TPD52: variants seen among roughly 807,000 people sequenced by gnomAD.
TPD52 encodes tumor protein D52, also known as prostate and colon associated protein.
In TPD52, 17 loss-of-function variants were observed where a neutral mutation model predicts 31.3. The ratio of observed to expected loss-of-function variants is 0.54; its 90% CI spans 0.37 to 0.82. The LOEUF is 0.82. TPD52 is among the 40% of genes least tolerant of loss of function. The pLI, the probability that TPD52 is intolerant of heterozygous loss-of-function variation, is 0.00. For missense variants in TPD52, 212 were observed against 240.1 expected, an observed-to-expected ratio of 0.88 and a Z score of 0.77; for synonymous variants, 83 against 89.6, an observed-to-expected ratio of 0.93 and a Z score of 0.42.
At chr8:80,127,829 CACACACACAG>C (rs756759833) in intron 1 of TPD52, among the ~76,000 whole-genome samples, 1,940 of 52,760 alleles carry the variant, frequency 0.037, 27 homozygotes, top group East Asian at 0.23. Context: ...CACACACACA[CACACACACAG>C]AGATACATAA....
intron 1 of TPD52, among the ~76,000 whole-genome samples, chr8:80,100,055 C>G (rs1806624104): frequency 6.6e-6 from 1 of 152,170 alleles, no homozygotes; most frequent in Non-Finnish European, 1.5e-5. Flanking sequence ...AAGTAGTGTT[C>G]TAAACATTTA....
intron 1 of TPD52, among the ~76,000 whole-genome samples, chr8:80,134,714 T>C (rs1331362632): frequency 1.3e-5 from 2 of 152,170 alleles, no homozygotes; most frequent in Admixed American, 6.5e-5. Context: ...TGCCAGCAAC[T>C]AGGTGCAGGA....
At chr8:80,042,441 C>T in intron 7 of TPD52, 179 bp downstream of exon 7, 3 of 985,402 alleles carry the variant, frequency 3.0e-6, no homozygotes, top group Non-Finnish European at 3.6e-6. Context: ...ACAGCATACA[C>T]TAAAAAGATA....
At chr8:80,170,075 G>A (rs1430979805) in intron 1 of TPD52, among the ~76,000 whole-genome samples, 1 of 152,146 alleles carries the variant, frequency 6.6e-6, no homozygotes, top group Non-Finnish European at 1.5e-5. Flanking sequence ...AGGGGAGCGA[G>A]GAAAGAGCTG....
At chr8:80,101,643 T>C (rs1470773597) in intron 1 of TPD52, among the ~76,000 whole-genome samples, 1 of 151,996 alleles carries the variant, frequency 6.6e-6, no homozygotes, top group African/African-American at 2.4e-5. Context: ...CTTCCACTCA[T>C]AGTGGAAGGT....
At chr8:80,106,744 G>T (rs1382283427) in intron 1 of TPD52, among the ~76,000 whole-genome samples, 1 of 150,136 alleles carries the variant, frequency 6.7e-6, no homozygotes, top group African/African-American at 2.5e-5. Flanking sequence ...CAAAATGGAC[G>T]CAAAAGGCAG....
chr8:80,077,486 G>A (rs772953290), intron 1 of TPD52, among the ~76,000 whole-genome samples: 4 of 151,872 alleles, frequency 2.6e-5, no homozygotes, highest in Admixed American at 6.6e-5. Flanking sequence ...TATTCCCACG[G>A]TAAAACACTT....
chr8:80,170,631 T>C (rs1812015582), intron 1 of TPD52, among the ~76,000 whole-genome samples: 1 of 152,176 alleles, frequency 6.6e-6, no homozygotes, highest in Admixed American at 6.5e-5. Context: ...CATTTATGTA[T>C]CTTTTTAAAA....
At chr8:80,059,950 G>GCACCAC (rs1812331805) in intron 2 of TPD52, among the ~76,000 whole-genome samples, 1 of 151,624 alleles carries the variant, frequency 6.6e-6, no homozygotes, top group Non-Finnish European at 1.5e-5. Context: ...GCGTGGTGGT[G>GCACCAC]CACGCCTGTA....
chr8:80,053,342 G>A lies in TPD52; in HGVS notation c.224C>T (p.Ser75Phe). The A allele has an allele frequency of 6.2e-7, 1 of 1,613,774 alleles. No individual in the cohort carries two copies. The highest frequency in any genetic ancestry group is 8.5e-7 in the Non-Finnish European group (1 of 1,179,754). The change falls in exon 3 of 8, where the codon TCT becomes TTT. Residue 75 changes from serine to phenylalanine, a missense_variant. Ser to Phe is a radical substitution (Grantham distance 155, BLOSUM62 -2). Coordinates refer to ENST00000518937, the MANE Select transcript of TPD52 (RefSeq NM_001025253.3). ...AATGTTCTGTTTTAGTTCCTGTAGA[G>A]AATTGATTCCAAGTTTCCGCTTGAT... ...AEIKRKLGIN[S>F]LQELKQNIAK... is the part of the protein sequence containing the mutation.
downstream of TPD52, among the ~76,000 whole-genome samples, chr8:80,033,895 C>T (rs1175354544): frequency 6.6e-6 from 1 of 152,130 alleles, no homozygotes; most frequent in African/African-American, 2.4e-5. Flanking sequence ...AGTTCTCGCT[C>T]TGGGTTGTGG....
rs1226165176 is a variant in TPD52 at position 80,038,042 on chromosome 8, A to G, written c.*74T>C. The G allele has an allele frequency of 6.4e-7, 1 of 1,569,156 alleles. No individual in the cohort carries two copies. The highest frequency in any genetic ancestry group is 2.3e-5 in the East Asian group (1 of 44,182). On this transcript the variant is annotated 3_prime_UTR_variant, in exon 8 of 8. Coordinates refer to ENST00000518937, the MANE Select transcript of TPD52 (RefSeq NM_001025253.3). The stretch of plus-strand genomic sequence containing the variant: ...GCACATCTGGTAGAAATTCATGGCA[A>G]TGCATGTTGACAAGATGTGCTTGGA...
Position 80,072,700 on chromosome 8 carries a change from CAT to C in TPD52, c.20-8109_20-8108del, listed in dbSNP as rs754706197. The stretch of plus-strand genomic sequence containing the variant: ...ACATAGATATGTGTGTATATACACA[CAT>C]ATATACATCTATACGCACACATATA... On this transcript the variant is annotated intron_variant, in intron 1 of 7. Coordinates refer to ENST00000518937, the MANE Select transcript of TPD52 (RefSeq NM_001025253.3). Among the ~76,000 whole-genome samples, 71 of 141,664 alleles carry C rather than the reference CAT, an allele frequency of 5.0e-4. 6 individuals are homozygous for C. The highest frequency in any genetic ancestry group is 8.1e-4 in the Admixed American group (12 of 14,810). The allele number at this position is 141,664 out of a possible 152,430, so 92.9% of individuals were successfully genotyped here.
intron 1 of TPD52, among the ~76,000 whole-genome samples, chr8:80,147,627 C>G (rs1810287208): frequency 2.0e-5 from 3 of 152,110 alleles, no homozygotes; most frequent in Admixed American, 2.0e-4. Context: ...GCAGCGGCCA[C>G]CCCAGCTCCC....
chr8:80,086,522 T>G (rs1400598302), intron 1 of TPD52, among the ~76,000 whole-genome samples: 6 of 152,106 alleles, frequency 3.9e-5, no homozygotes, highest in African/African-American at 1.4e-4. Flanking sequence ...CTGGCATTAC[T>G]AGGTCCATTG....
intron 7 of TPD52, 42 bp downstream of exon 7, chr8:80,042,578 C>A: frequency 3.2e-6 from 5 of 1,571,078 alleles, no homozygotes; most frequent in South Asian, 2.4e-5. Context: ...ATTAAGACAC[C>A]AGGCAATGTA....
chr8:80,120,202 AT>A (rs904149527), intron 1 of TPD52, among the ~76,000 whole-genome samples: 22 of 152,320 alleles, frequency 1.4e-4, no homozygotes, highest in African/African-American at 5.3e-4. Context: ...CTAAAAAAAA[AT>A]AATAGGCTGG....
At chr8:80,133,698 G>A (rs1403321750) in intron 1 of TPD52, among the ~76,000 whole-genome samples, 1 of 151,146 alleles carries the variant, frequency 6.6e-6, no homozygotes, top group Non-Finnish European at 1.5e-5. Flanking sequence ...ATTCCAAATG[G>A]AGCCCTACAG....
Position 80,036,751 on chromosome 8 carries a change from T to C in TPD52, c.*1365A>G, listed in dbSNP as rs1481925276. Reference sequence around the variant, plus strand: ...AAAATTTGGTTTTCATAAGATAATTTATACTGAAGTAAATCTAGCCATGCT... The same window carrying C: ...AAAATTTGGTTTTCATAAGATAATTCATACTGAAGTAAATCTAGCCATGCT... On this transcript the variant is annotated 3_prime_UTR_variant, in exon 8 of 8. Transcript: ENST00000518937. The C allele has an allele frequency of 1.3e-5, 2 of 152,668 alleles. No individual in the cohort carries two copies. The highest frequency in any genetic ancestry group is 2.9e-5 in the Non-Finnish European group (2 of 68,030). 9.5% of individuals were successfully genotyped at this position (152,668 alleles called of 1,614,324 possible).
Sources: allele counts gnomAD v4.1 joint callset (sites outside exome capture counted in the v4.1 genomes callset), GRCh38; gene constraint gnomAD v4.1.1; transcripts MANE v1.5; gene names NCBI Gene and HGNC (gene_info 2026-07-23, HGNC 2026-07-21).